The following KCTD3 variants were observed in gnomAD, a reference collection of about 807,000 sequenced individuals.
KCTD3 encodes the protein potassium channel tetramerization domain containing 3.
A neutral mutation model predicts 85.8 loss-of-function variants in KCTD3; 41 were observed. That is an observed-to-expected ratio of 0.48 (90% confidence interval 0.37 to 0.62). The LOEUF is 0.62. Among genes scored for constraint, KCTD3 ranks in the 20% least tolerant of loss-of-function variants. The pLI is 0.00. For synonymous variants in KCTD3, 338 were observed against 345.4 expected (o/e 0.98, Z 0.24); for missense variants, 724 against 989.9 (o/e 0.73, Z 3.60).
At chr1:215,573,637 T>C (rs928673505) in intron 1 of KCTD3, 149 bp from the exon 2 acceptor site, 36 of 485,488 alleles carry the variant, frequency 7.4e-5, no homozygotes, top group African/African-American at 7.0e-4. Flanking sequence ...TAGCAACGTT[T>C]AAAAATATTA....
chr1:215,582,486 GA>G (rs1659860457), intron 8 of KCTD3, among the ~76,000 whole-genome samples: 1 of 152,176 alleles, frequency 6.6e-6, no homozygotes, highest in Non-Finnish European at 1.5e-5. Flanking sequence ...GCAGTAAGAT[GA>G]TGGAGAGGTG....
chr1:215,607,359 A>G (rs1267664454), intron 13 of KCTD3, among the ~76,000 whole-genome samples: 3 of 151,974 alleles, frequency 2.0e-5, no homozygotes, highest in African/African-American at 7.2e-5. Flanking sequence ...TTTCAAATAG[A>G]GTATCTACTC....
chr1:215,589,427 C>A (rs533526351), intron 9 of KCTD3, among the ~76,000 whole-genome samples: 1 of 152,184 alleles, frequency 6.6e-6, no homozygotes, highest in African/African-American at 2.4e-5. Context: ...AGGCATGAGT[C>A]GCTGTGCCTG....
At position 215,587,089 on chromosome 1, in the gene KCTD3, G is replaced by A. The variant is rs138865520; in HGVS notation, c.817+404G>A. The stretch of plus-strand genomic sequence containing the variant: ...CAGAACCCCTTAATCCTCTTAAAAA[G>A]TTACTCAGGACCTGAAAGAATGTAG... On this transcript the variant is annotated intron_variant, in intron 9 of 17. Coordinates refer to ENST00000259154, the MANE Select transcript of KCTD3 (RefSeq NM_016121.5). Among the ~76,000 whole-genome samples, 385 of 150,796 alleles carry A rather than the reference G, an allele frequency of 2.6e-3. 2 individuals carry two copies. The highest frequency in any genetic ancestry group is 9.0e-3 in the African/African-American group (370 of 41,108).
At position 215,573,442 on chromosome 1, in the gene KCTD3, G is replaced by C. The variant is rs75221520; in HGVS notation, c.84-344G>C. On this transcript the variant is annotated intron_variant, in intron 1 of 17. Transcript: ENST00000259154. Reference sequence around the variant, plus strand: ...GCATTTGTACTGGAGAGATGAGATGGAACCTGAAGGTAATTTTGAATGTTA... The same window carrying C: ...GCATTTGTACTGGAGAGATGAGATGCAACCTGAAGGTAATTTTGAATGTTA... 1.4e-3 allele frequency among the ~76,000 whole-genome samples: 218 copies of C among 152,218 alleles called. 1 individual carries two copies. Among genetic ancestry groups the C allele is most frequent in the African/African-American group, 5.0e-3 (208 of 41,530 alleles).
At position 215,574,142 on chromosome 1, in the gene KCTD3, A is replaced by G. The variant is rs752076250; in HGVS notation, c.183+24A>G. ...CTGTGAGTATAATAATAATTGATAC[A>G]TATTCCTAAATTAATGCTTATAGTG... On this transcript the variant is annotated intron_variant, in intron 3 of 17. Transcript: ENST00000259154. 2.8e-6 allele frequency: 4 copies of G among 1,441,976 alleles called. No homozygotes were observed. In the African/African-American group the frequency reaches 5.6e-5, roughly 20 times the overall value. 89.3% of individuals were successfully genotyped at this position (1,441,976 alleles called of 1,614,324 possible).
intron 8 of KCTD3, 92 bp downstream of exon 8, chr1:215,580,091 T>C: frequency 1.2e-6 from 1 of 825,214 alleles, no homozygotes; most frequent in East Asian, 2.7e-5. Context: ...GCTATTTTTT[T>C]TTAGTCATCA....
chr1:215,608,628 A>T (rs1655119636), intron 14 of KCTD3, among the ~76,000 whole-genome samples: 1 of 151,906 alleles, frequency 6.6e-6, no homozygotes, highest in Non-Finnish European at 1.5e-5. Context: ...ATATTCTCTG[A>T]TTTCAGCAAA....
chr1:215,602,286 G>A, intron 12 of KCTD3, 85 bp downstream of exon 12: 1 of 670,476 alleles, frequency 1.5e-6, no homozygotes, highest in Non-Finnish European at 2.6e-6. Context: ...AAATTAAACT[G>A]GTTTATTTCT....
chr1:215,614,205 G>C (rs1655345704), intron 15 of KCTD3, among the ~76,000 whole-genome samples: 1 of 151,370 alleles, frequency 6.6e-6, no homozygotes, highest in Non-Finnish European at 1.5e-5. Context: ...CTAATTTTTT[G>C]CATCTTTAGT....
intron 12 of KCTD3, 86 bp downstream of exon 12, chr1:215,602,287 G>T: frequency 1.5e-6 from 1 of 673,108 alleles, no homozygotes; most frequent in Non-Finnish European, 2.6e-6. Context: ...AATTAAACTG[G>T]TTTATTTCTT....
chr1:215,589,784 T>G (rs1013303376), intron 9 of KCTD3, among the ~76,000 whole-genome samples: 10 of 152,332 alleles, frequency 6.6e-5, no homozygotes, highest in Middle Eastern at 3.4e-3. Context: ...TGTTCCTTTT[T>G]ATTGCTGAGT....
chr1:215,602,392 A>G (rs1654863442), intron 12 of KCTD3, among the ~76,000 whole-genome samples, 191 bp downstream of exon 12: 3 of 152,118 alleles, frequency 2.0e-5, no homozygotes, highest in Admixed American at 2.0e-4. Context: ...GTAAACAAAC[A>G]TAATTTGAGG....
intron 8 of KCTD3, 32 bp from the exon 9 acceptor site, chr1:215,586,463 G>A: frequency 6.4e-7 from 1 of 1,566,446 alleles, no homozygotes; most frequent in South Asian, 1.2e-5. Flanking sequence ...TTGCTGCTGA[G>A]TCTACCTTAT....
At chr1:215,619,406 A>T in intron 17 of KCTD3, 115 bp downstream of exon 17, 1 of 869,056 alleles carries the variant, frequency 1.2e-6, no homozygotes, top group South Asian at 2.0e-5. Flanking sequence ...GTACATTTTA[A>T]ATTCAGACAT....
intron 8 of KCTD3, among the ~76,000 whole-genome samples, chr1:215,580,667 A>G (rs1659782244): frequency 1.3e-5 from 2 of 152,068 alleles, no homozygotes; most frequent in South Asian, 4.2e-4. Context: ...AGAAGCACAA[A>G]AGTGGTTGGA....
chr1:215,620,893 A>ATAT lies in KCTD3; in HGVS notation c.*278_*280dup. 2.4e-6 allele frequency: 1 copy of ATAT among 414,670 alleles called. No homozygotes were observed. Among genetic ancestry groups the ATAT allele is most frequent in the Non-Finnish European group, 4.2e-6 (1 of 235,748 alleles). The allele number at this position is 414,670 out of a possible 1,614,324, so 25.7% of individuals were successfully genotyped here. A position where few individuals can be genotyped will look rare whatever the true frequency, so the allele number is the denominator to read the frequency against. The stretch of plus-strand genomic sequence containing the variant: ...TACCGACTTTTTTTGGTTTGGAAAC[A>ATAT]TATTACCACGTCTTAATAGGATGGT... On this transcript the variant is annotated 3_prime_UTR_variant, in exon 18 of 18. Transcript: ENST00000259154.
At chr1:215,582,043 A>G (rs1396230426) in intron 8 of KCTD3, among the ~76,000 whole-genome samples, 1 of 152,230 alleles carries the variant, frequency 6.6e-6, no homozygotes, top group East Asian at 1.9e-4. Context: ...TGTTACTTCT[A>G]TTAACGAAGA....
intron 8 of KCTD3, among the ~76,000 whole-genome samples, chr1:215,583,879 G>A (rs1659915912): frequency 6.6e-6 from 1 of 152,162 alleles, no homozygotes; most frequent in African/African-American, 2.4e-5. Context: ...AAATTAATAA[G>A]TGTTCGATTT....
Sources: gnomAD v4.1 joint callset for allele counts (sites outside exome capture counted in the v4.1 genomes callset) on GRCh38, gnomAD v4.1.1 for gene constraint, MANE v1.5 for transcripts, NCBI Gene and HGNC (gene_info 2026-07-23, HGNC 2026-07-21) for gene names.